Variants in ATAD2B observed in about 807,000 individuals in gnomAD.
The protein encoded by ATAD2B is ATPase family AAA domain-containing protein 2B.
In ATAD2B, 40 loss-of-function variants were observed where a neutral mutation model predicts 167.6. The observed-to-expected ratio is 0.24, with a 90% CI of 0.19 to 0.31. ATAD2B has a LOEUF of 0.31. Ranked by LOEUF, ATAD2B falls within the 10% of genes least tolerant of loss-of-function variation. The pLI, the probability that ATAD2B is intolerant of heterozygous loss-of-function variation, is 1.00. For synonymous variants in ATAD2B, 579 were observed against 596.5 expected (o/e 0.97, Z 0.43); for missense variants, 1,242 against 1,757.2 (o/e 0.71, Z 5.24).
chr2:23,761,809 G>C (rs575778505), intron 24 of ATAD2B, among the ~76,000 whole-genome samples: 1 of 152,232 alleles, frequency 6.6e-6, no homozygotes, highest in South Asian at 2.1e-4. Context: ...TCAACTTCCT[G>C]TTGCCAGATC....
At chr2:23,881,130 T>C (rs544865822) in intron 6 of ATAD2B, among the ~76,000 whole-genome samples, 9 of 152,288 alleles carry the variant, frequency 5.9e-5, no homozygotes, top group African/African-American at 1.9e-4. Context: ...ATAAGATTAG[T>C]ATTCAAATAC....
chr2:23,873,130 A>C (rs569174945), intron 8 of ATAD2B: 4 of 374,392 alleles, frequency 1.1e-5, no homozygotes, highest in Non-Finnish European at 2.0e-5. Context: ...CCTCTCCTCT[A>C]CTTCTTTCTC....
intron 17 of ATAD2B, among the ~76,000 whole-genome samples, chr2:23,811,771 A>T (rs970524290): frequency 6.6e-6 from 1 of 152,182 alleles, no homozygotes; most frequent in Non-Finnish European, 1.5e-5. Flanking sequence ...AAATAAATGT[A>T]GGTTGTTTAT....
In ATAD2B at chr2:23,783,939, C is replaced by T. The variant is rs112345735; in HGVS notation, c.2974-911G>A. Among the ~76,000 whole-genome samples the T allele has an allele frequency of 7.7e-3, 1,166 of 152,098 alleles. 24 individuals carry two copies. The highest frequency in any genetic ancestry group is 0.026 in the African/African-American group (1,059 of 41,502). On this transcript the variant is annotated intron_variant, in intron 21 of 27. Transcript: ENST00000238789. ...TTAAATTTACACATTCACACACACACGCACATATATGTAATTTATATGTTT... is the reference window on the plus strand; with the variant it reads ...TTAAATTTACACATTCACACACACATGCACATATATGTAATTTATATGTTT...
intron 22 of ATAD2B, among the ~76,000 whole-genome samples, chr2:23,767,172 T>C (rs1677550492): frequency 6.6e-6 from 1 of 152,236 alleles, no homozygotes; most frequent in South Asian, 2.1e-4. Context: ...TGCTCCACCC[T>C]GACTCATTCC....
At position 23,884,826 on chromosome 2, in the gene ATAD2B, T is replaced by G. The variant is rs766172576; in HGVS notation, c.723A>C (p.Leu241=). 6.2e-7 allele frequency: 1 copy of G among 1,601,008 alleles called. No individual in the cohort carries two copies. The highest frequency in any genetic ancestry group is 8.5e-7 in the Non-Finnish European group (1 of 1,173,374). ...YSRVKRRRKS[L]RRNSYGIQNH... ...TTTGTATCCCATAACTATTTCTTCT[T>G]AGTGACTTTCTTCGCCTTTTCACTC... is the stretch of plus-strand genomic sequence containing the variant. The change falls in exon 6 of 28, where the codon CTA becomes CTC. Residue 241 remains leucine, a synonymous_variant. Coordinates refer to ENST00000238789, the MANE Select transcript of ATAD2B (RefSeq NM_017552.4).
the ATAD2B span, among the ~76,000 whole-genome samples, chr2:23,716,454 T>TTGTTGA: frequency 3.9e-5 from 6 of 152,122 alleles, no homozygotes; most frequent in South Asian, 1.2e-3. Flanking sequence ...GTTGTTGTTG[T>TTGTTGA]TGTTGTTGTT....
the ATAD2B span, among the ~76,000 whole-genome samples, chr2:23,686,858 C>T: frequency 1.3e-5 from 2 of 152,134 alleles, no homozygotes; most frequent in Admixed American, 6.5e-5. Context: ...AAGCCAAGCC[C>T]AGGGTGCCCT....
intron 2 of ATAD2B, 40 bp from the exon 3 acceptor site, chr2:23,888,439 T>G: frequency 7.7e-7 from 1 of 1,292,720 alleles, no homozygotes; most frequent in South Asian, 1.5e-5. Flanking sequence ...CACATCAACA[T>G]TTGCTTATAT....
intron 1 of ATAD2B, among the ~76,000 whole-genome samples, chr2:23,910,013 C>T (rs763986965): frequency 6.6e-6 from 1 of 151,508 alleles, no homozygotes; most frequent in Admixed American, 6.6e-5. Context: ...CAGGCACACA[C>T]GACCATACCA....
At chr2:23,918,406 G>T (rs1467092235) in intron 1 of ATAD2B, among the ~76,000 whole-genome samples, 1 of 151,326 alleles carries the variant, frequency 6.6e-6, no homozygotes. Flanking sequence ...TGCCTACTAT[G>T]TACCCACAAA....
In ATAD2B at chr2:23,798,240, A is replaced by G. The variant is rs1422740550; in HGVS notation, c.2538T>C (p.Thr846=). ...GCAATGTCAGAAAAGTTGCTCTCAC[A>G]GTTTCACTGACAGCTTCCCACCAAT... is the stretch of plus-strand genomic sequence containing the variant. ...IGDWWEAVSE[T]VRATFLTLLQ... is the part of the protein sequence containing the mutation. The change falls in exon 19 of 28, where the codon ACT becomes ACC. Residue 846 remains threonine (T), a synonymous_variant. Coordinates refer to ENST00000238789, the MANE Select transcript of ATAD2B (RefSeq NM_017552.4). The G allele has an allele frequency of 3.7e-6, 6 of 1,612,018 alleles. No homozygotes were observed. The highest frequency in any genetic ancestry group is 1.7e-5 in the Admixed American group (1 of 59,920).
chr2:23,689,761 C>A, the ATAD2B span: 1 of 152,266 alleles, frequency 6.6e-6, no homozygotes, highest in African/African-American at 2.4e-5. Flanking sequence ...GACAGGAGTA[C>A]GAGGTTGACC....
In ATAD2B at chr2:23,750,186, T is replaced by C. The variant is rs976547326; in HGVS notation, c.*1860A>G. On this transcript the variant is annotated 3_prime_UTR_variant, in exon 28 of 28. Coordinates refer to ENST00000238789, the MANE Select transcript of ATAD2B (RefSeq NM_017552.4). ...GTTTCAAATAACCTCCCCTTTAAAATGGTTCATCGTTAATCGCACTTGCCC... is the reference window on the plus strand; with the variant it reads ...GTTTCAAATAACCTCCCCTTTAAAACGGTTCATCGTTAATCGCACTTGCCC... The C allele has an allele frequency of 6.6e-6, 1 of 152,098 alleles. No homozygotes were observed. Among genetic ancestry groups the C allele is most frequent in the Non-Finnish European group, 1.5e-5 (1 of 67,988 alleles). 9.4% of individuals were successfully genotyped at this position (152,098 alleles called of 1,614,324 possible).
chr2:23,875,263 AGGCC>A (rs1696653918), intron 8 of ATAD2B, among the ~76,000 whole-genome samples: 2 of 151,992 alleles, frequency 1.3e-5, no homozygotes, highest in Non-Finnish European at 1.5e-5. Context: ...ACACTTTGAG[AGGCC>A]AAGGCAGGGG....
intron 8 of ATAD2B, among the ~76,000 whole-genome samples, chr2:23,873,282 C>T (rs1346536792): frequency 1.3e-5 from 2 of 151,988 alleles, no homozygotes; most frequent in Non-Finnish European, 2.9e-5. Flanking sequence ...AGATAGTAAA[C>T]TGAATGCATA....
the ATAD2B span, among the ~76,000 whole-genome samples, chr2:23,730,664 T>C: frequency 5.9e-4 from 3 of 5,124 alleles, no homozygotes; most frequent in Admixed American, 0.015. Flanking sequence ...AGACTCCGTT[T>C]CAAAAAAAAA....
chr2:23,696,136 G>T, the ATAD2B span: 1 of 1,550,560 alleles, frequency 6.4e-7, no homozygotes. The surrounding 1 kb of genome is among the most constrained non-coding windows in gnomAD (Gnocchi z 5.5). Context: ...CCTCTCAGGT[G>T]AGGCCCCCCG....
chr2:23,816,357 C>T (rs566025619), intron 17 of ATAD2B, among the ~76,000 whole-genome samples: 1 of 152,206 alleles, frequency 6.6e-6, no homozygotes, highest in African/African-American at 2.4e-5. Flanking sequence ...AGAAACAAGT[C>T]TATTGTTCAT....
Sources: allele counts gnomAD v4.1 joint callset (sites outside exome capture counted in the v4.1 genomes callset), GRCh38; gene constraint gnomAD v4.1.1; non-coding constraint Gnocchi (gnomAD v3.1); transcripts MANE v1.5; gene names NCBI Gene and HGNC (gene_info 2026-07-23, HGNC 2026-07-21).